The following RABGAP1L variants were observed in gnomAD, a reference collection of about 807,000 sequenced individuals.
The protein encoded by RABGAP1L is RAB GTPase activating protein 1 like.
Under a neutral mutation model 137.7 loss-of-function variants are expected in RABGAP1L, and 63 were observed. The ratio of observed to expected loss-of-function variants is 0.46; its 90% CI spans 0.37 to 0.56. RABGAP1L has a LOEUF of 0.56. RABGAP1L is among the 20% of genes least tolerant of loss of function. RABGAP1L has a pLI of 0.00. For missense variants in RABGAP1L, 1,095 were observed against 1,244.0 expected, an observed-to-expected ratio of 0.88 and a Z score of 1.80; for synonymous variants, 431 against 433.7, an observed-to-expected ratio of 0.99 and a Z score of 0.08.
intron 19 of RABGAP1L, among the ~76,000 whole-genome samples, chr1:174,832,306 GAAAAAGAAAAAGA>G (rs530060631): frequency 1.0e-4 from 14 of 139,036 alleles, no homozygotes; most frequent in African/African-American, 2.0e-4. Flanking sequence ...AAAGAAAAAA[GAAAAAGAAAAAGA>G]AAAAAGAAAA....
intron 20 of RABGAP1L, among the ~76,000 whole-genome samples, chr1:174,967,880 A>G (rs570255875): frequency 6.7e-6 from 1 of 149,324 alleles, no homozygotes; most frequent in Admixed American, 6.7e-5. Context: ...TTTAGTCGAT[A>G]TGTTTTTCAA....
chr1:174,874,873 G>A (rs1439152057), intron 19 of RABGAP1L, among the ~76,000 whole-genome samples: 2 of 152,212 alleles, frequency 1.3e-5, no homozygotes, highest in Middle Eastern at 3.4e-3. Context: ...AAGGGGAAAC[G>A]AAACCTTGAA....
intron 13 of RABGAP1L, among the ~76,000 whole-genome samples, chr1:174,431,429 G>A (rs1407705152): frequency 2.6e-5 from 4 of 152,098 alleles, no homozygotes; most frequent in Admixed American, 2.6e-4. Context: ...CTTTTCTCCT[G>A]TGTTATTTTT....
intron 13 of RABGAP1L, chr1:174,547,994 A>G (rs779556678): frequency 7.5e-5 from 117 of 1,550,392 alleles, no homozygotes; most frequent in Non-Finnish European, 9.9e-5. Context: ...TCCTTTCCTG[A>G]GCCTGAATTG....
At chr1:174,804,410 A>G (rs963577305) in intron 18 of RABGAP1L, among the ~76,000 whole-genome samples, 1 of 151,572 alleles carries the variant, frequency 6.6e-6, no homozygotes, top group Non-Finnish European at 1.5e-5. Context: ...AGCTGGGACT[A>G]CAGGCGCCCA....
In RABGAP1L at chr1:174,993,274, T is replaced by C. The variant is rs1378074638; in HGVS notation, c.*3273T>C. Reference sequence around the variant, plus strand: ...ACTAATAGGAATGCCATTCAACCAGTGTCTTCTGCCCCTCTCCCAGCTGTT... The same window carrying C: ...ACTAATAGGAATGCCATTCAACCAGCGTCTTCTGCCCCTCTCCCAGCTGTT... On this transcript the variant is annotated 3_prime_UTR_variant, in exon 26 of 26. Coordinates refer to ENST00000681986, the MANE Select transcript of RABGAP1L (RefSeq NM_001366446.1). 1 of 152,238 alleles carries C rather than the reference T, an allele frequency of 6.6e-6. No homozygotes were observed. The highest frequency in any genetic ancestry group is 6.5e-5 in the Admixed American group (1 of 15,284). The allele number at this position is 152,238 out of a possible 1,614,324, so 9.4% of individuals were successfully genotyped here.
Position 174,180,556 on chromosome 1 carries a change from C to T in RABGAP1L, c.-34+20899C>T, listed in dbSNP as rs546965679. On this transcript the variant is annotated intron_variant, in intron 1 of 25. Coordinates refer to ENST00000681986, the MANE Select transcript of RABGAP1L (RefSeq NM_001366446.1). ...CATAGCTCACTGCAGCCTTGAACTC[C>T]TGGGCTCAAGGGATCTTCCTGCCTT... 2.6e-5 allele frequency among the ~76,000 whole-genome samples: 4 copies of T among 152,288 alleles called. 1 individual carries two copies. The South Asian group carries it at 8.3e-4, about 32-fold the overall frequency.
chr1:174,162,946 G>C (rs1053836962), intron 1 of RABGAP1L, among the ~76,000 whole-genome samples: 2 of 126,006 alleles, frequency 1.6e-5, no homozygotes, highest in Non-Finnish European at 3.3e-5. Context: ...GTGGTGGGGA[G>C]GGGGGAGGGG....
In RABGAP1L at chr1:174,710,987, G is replaced by A. The variant is rs184748317; in HGVS notation, c.2169+8731G>A. On this transcript the variant is annotated intron_variant, in intron 17 of 25. Transcript: ENST00000681986. ...GGTGGCGGGGAGGCTCAGGCATGGC[G>A]GGCTGCAGGTCCCAAGCCCTGCCCC... is the stretch of plus-strand genomic sequence containing the variant. Among the ~76,000 whole-genome samples, 871 of 152,254 alleles carry A rather than the reference G, an allele frequency of 5.7e-3. 5 individuals are homozygous for A. Among genetic ancestry groups the A allele is most frequent in the South Asian group, 0.013 (64 of 4,830 alleles).
intron 13 of RABGAP1L, among the ~76,000 whole-genome samples, chr1:174,496,475 G>A (rs1460378949): frequency 2.6e-5 from 4 of 152,172 alleles, no homozygotes; most frequent in Non-Finnish European, 5.9e-5. Flanking sequence ...TGGTAGACTG[G>A]CCAAAGCCTA....
At chr1:174,749,188 AAG>A (rs1371902913) in intron 17 of RABGAP1L, among the ~76,000 whole-genome samples, 3 of 151,008 alleles carry the variant, frequency 2.0e-5, no homozygotes, top group Non-Finnish European at 2.9e-5. Context: ...AAAAAAAAAA[AAG>A]AAAAAAGAAA....
At chr1:174,308,312 T>C (rs1229825464) in intron 11 of RABGAP1L, among the ~76,000 whole-genome samples, 1 of 152,102 alleles carries the variant, frequency 6.6e-6, no homozygotes, top group Non-Finnish European at 1.5e-5. Flanking sequence ...GCGAAATACT[T>C]TCTCTCATTC....
intron 13 of RABGAP1L, among the ~76,000 whole-genome samples, chr1:174,435,183 C>T (rs1326838089): frequency 1.3e-5 from 2 of 152,068 alleles, no homozygotes; most frequent in East Asian, 1.9e-4. Flanking sequence ...CCACACCCAG[C>T]TAAATTTTGT....
intron 5 of RABGAP1L, among the ~76,000 whole-genome samples, chr1:174,248,012 A>G (rs1011781584): frequency 6.6e-6 from 1 of 152,226 alleles, no homozygotes; most frequent in Admixed American, 6.5e-5. Flanking sequence ...ATTTAGGAGT[A>G]GGAAGTGGAG....
intron 17 of RABGAP1L, among the ~76,000 whole-genome samples, chr1:174,749,236 T>G (rs1300674560): frequency 6.6e-6 from 1 of 151,178 alleles, no homozygotes. Context: ...GAAGCATACA[T>G]TCATTCAGTG....
chr1:174,542,978 T>C (rs936520499), intron 13 of RABGAP1L, among the ~76,000 whole-genome samples: 2 of 152,236 alleles, frequency 1.3e-5, no homozygotes, highest in Non-Finnish European at 2.9e-5. Context: ...ATAATTTCTG[T>C]TCTTTAACAT....
chr1:174,929,775 A>AATAAATAAATAC (rs1663457513), intron 19 of RABGAP1L, among the ~76,000 whole-genome samples: 1 of 150,216 alleles, frequency 6.7e-6, no homozygotes, highest in Non-Finnish European at 1.5e-5. Flanking sequence ...TAAATAAATA[A>AATAAATAAATAC]ATAAATAAAT....
At chr1:174,887,539 A>G (rs1655362688) in intron 19 of RABGAP1L, among the ~76,000 whole-genome samples, 2 of 152,078 alleles carry the variant, frequency 1.3e-5, no homozygotes, top group African/African-American at 2.4e-5. Context: ...ATCTCTTGCC[A>G]ATGTTTCTAG....
At chr1:174,246,363 T>TA (rs1427636721) in intron 5 of RABGAP1L, 1 of 152,200 alleles carries the variant, frequency 6.6e-6, no homozygotes, top group Non-Finnish European at 1.5e-5. Context: ...TTCAAGACTA[T>TA]TTGTGTGTAT....
Sources: allele counts gnomAD v4.1 joint callset (sites outside exome capture counted in the v4.1 genomes callset), GRCh38; gene constraint gnomAD v4.1.1; transcripts MANE v1.5; gene names NCBI Gene and HGNC (gene_info 2026-07-23, HGNC 2026-07-21).